The following AXIN2 variants were observed in gnomAD, a reference collection of about 807,000 sequenced individuals.
The protein encoded by AXIN2 is axin-2.
In AXIN2, 21 loss-of-function variants were observed where a neutral mutation model predicts 74.7. That is an observed-to-expected ratio of 0.28 (90% CI 0.20 to 0.40). The LOEUF is 0.40. Ranked by LOEUF, AXIN2 falls within the 10% of genes least tolerant of loss-of-function variation. The pLI, the probability that AXIN2 is intolerant of heterozygous loss-of-function variation, is 1.00. For missense variants in AXIN2, 1,144 were observed against 1,111.1 expected (o/e 1.03, Z -0.42); for synonymous variants, 532 against 454.9 (o/e 1.17, Z -2.16).
intron 10 of AXIN2, among the ~76,000 whole-genome samples, chr17:65,532,523 C>T (rs66537263): frequency 0.095 from 14,433 of 152,268 alleles, 790 homozygotes; most frequent in East Asian, 0.25. Flanking sequence ...CCCAGCAACA[C>T]GCCCTGCTGG....
chr17:65,542,411 A>C (rs1188305495), intron 3 of AXIN2, among the ~76,000 whole-genome samples: 2 of 152,246 alleles, frequency 1.3e-5, no homozygotes, highest in Non-Finnish European at 2.9e-5. Flanking sequence ...GAACAAAATA[A>C]AAAATAGTAT....
rs1376819064 is a variant in AXIN2, at chr17:65,537,439, C to T, written c.1597G>A (p.Ala533Thr). The change falls in exon 6 of 11, where the codon GCG (alanine) becomes ACG (threonine). Residue 533 changes from alanine (A) to threonine (T), a missense_variant. Physicochemically the swap from Ala to Thr is moderately conservative, Grantham distance 58 (BLOSUM62 0). Coordinates refer to ENST00000307078, the MANE Select transcript of AXIN2 (RefSeq NM_004655.4). Reference sequence around the variant, plus strand: ...CAGTGCACCCGCTGCGTGGCCTCCGCCTCGATCTCCTCCTTGGTCTTGGGG... The same window carrying T: ...CAGTGCACCCGCTGCGTGGCCTCCGTCTCGATCTCCTCCTTGGTCTTGGGG... ...AVPKTKEEIE[A>T]EATQRVHCFC... The T allele has an allele frequency of 3.1e-6, 5 of 1,613,880 alleles. No homozygotes were observed. The highest frequency in any genetic ancestry group is 4.2e-6 in the Non-Finnish European group (5 of 1,180,032).
chr17:65,552,262 AG>A (rs1306090880), intron 2 of AXIN2, among the ~76,000 whole-genome samples: 1 of 152,226 alleles, frequency 6.6e-6, no homozygotes, highest in Non-Finnish European at 1.5e-5. Flanking sequence ...AGGAAGAACA[AG>A]GGGAAATAGA....
Position 65,536,415 on chromosome 17 carries a change from G to A in AXIN2, c.2046C>T (p.Asp682=), listed in dbSNP as rs1180854491. ...TTPRAHLFTQ[D]PAMPPLTPPN... ...GTGGGGTCAGGGGAGGCATCGCAGG[G>A]TCCTGGGTGAACAGGTGGGCACGGG... The change falls in exon 8 of 11, where the codon GAC becomes GAT. Residue 682 remains aspartate (D), a synonymous_variant. Coordinates refer to ENST00000307078, the MANE Select transcript of AXIN2 (RefSeq NM_004655.4). 42 of 1,613,706 alleles carry A rather than the reference G, an allele frequency of 2.6e-5. No individual in the cohort carries two copies. Among genetic ancestry groups the A allele is most frequent in the Non-Finnish European group, 3.3e-5 (39 of 1,180,012 alleles).
chr17:65,549,213 A>C (rs140859660), intron 3 of AXIN2, among the ~76,000 whole-genome samples: 2 of 152,332 alleles, frequency 1.3e-5, no homozygotes, highest in South Asian at 4.1e-4. Flanking sequence ...AACCAGAAGA[A>C]GGTTTTTTAA....
chr17:65,545,212 T>C (rs553915803), intron 3 of AXIN2, among the ~76,000 whole-genome samples: 2 of 152,200 alleles, frequency 1.3e-5, no homozygotes, highest in Admixed American at 6.5e-5. Flanking sequence ...ACCACTGACT[T>C]AGCTTTCATG....
chr17:65,552,018 G>A (rs150837285), intron 2 of AXIN2, among the ~76,000 whole-genome samples: 29 of 138,054 alleles, frequency 2.1e-4, no homozygotes, highest in African/African-American at 8.0e-4. Context: ...TAGAGGGCAA[G>A]AAGTCTCACG....
intron 10 of AXIN2, among the ~76,000 whole-genome samples, chr17:65,532,170 G>A (rs11658947): frequency 4.3e-4 from 66 of 152,124 alleles, no homozygotes; most frequent in Non-Finnish European, 8.2e-4. Flanking sequence ...GCATTAAAGG[G>A]GAGGCCAGGG....
rs781384784 is a variant in AXIN2 at position 65,557,805 on chromosome 17, C to T, written c.815+1G>A. On this transcript the variant is annotated splice_donor_variant, in intron 2 of 10. Transcript: ENST00000307078. LOFTEE classifies it high-confidence loss of function. Reference sequence around the variant, plus strand: ...CCCACCCGCCCCCGTCAAAGTCTTACCTGTATCCACTGTCAACAGTTTCCG... The same window carrying T: ...CCCACCCGCCCCCGTCAAAGTCTTATCTGTATCCACTGTCAACAGTTTCCG... 2.5e-6 allele frequency: 4 copies of T among 1,614,086 alleles called. No individual in the cohort carries two copies. Among genetic ancestry groups the T allele is most frequent in the Non-Finnish European group, 3.4e-6 (4 of 1,180,030 alleles).
At position 65,537,784 on chromosome 17, in the gene AXIN2, G is replaced by T; in HGVS notation, c.1252C>A (p.Pro418Thr). Residue 418 changes from proline (P) to threonine (T), a missense_variant, in exon 6 of 11, where the codon CCC (proline) becomes ACC (threonine). Pro to Thr is a conservative substitution (Grantham distance 38). Transcript: ENST00000307078. ...ELTLNSREGA[P>T]TQHPLSLLPS... ...AGTAGGGAGAGGGGGTGCTGCGTGG[G>T]CGCCCCCTCCCGCGAATTGAGTGTG... 1 of 1,588,492 alleles carries T rather than the reference G, an allele frequency of 6.3e-7. No homozygotes were observed. Among genetic ancestry groups the T allele is most frequent in the Non-Finnish European group, 8.6e-7 (1 of 1,167,390 alleles).
rs756352400 is a variant in AXIN2 at position 65,538,187 on chromosome 17, G to A, written c.1200+16C>T. 6 of 1,613,992 alleles carry A rather than the reference G, an allele frequency of 3.7e-6. No homozygotes were observed. The highest frequency in any genetic ancestry group is 2.2e-5 in the South Asian group (2 of 91,090). ...CGCCGTGGACGGAAGCAGGAAGAAG[G>A]CCTAGGCCGCATTACCTCTCGGATC... On this transcript the variant is annotated intron_variant, in intron 5 of 10. Coordinates refer to ENST00000307078, the MANE Select transcript of AXIN2 (RefSeq NM_004655.4).
At position 65,558,120 on chromosome 17, in the gene AXIN2, A is replaced by C. The variant is rs375603095; in HGVS notation, c.501T>G (p.Asp167Glu). ...IRDGIKKQQI[D>E]SIMFDQAQTE... The stretch of plus-strand genomic sequence containing the variant: ...TCTGCGCCTGGTCAAACATGATGGA[A>C]TCAATCTGCTGCTTCTTGATGCCAT... The change falls in exon 2 of 11, where the codon GAT becomes GAG. Residue 167 changes from aspartate to glutamate, a missense_variant. This residue lies in a region of AXIN2 where 1,053 missense variants were observed against 973.5 expected (regional missense o/e 1.08). Coordinates refer to ENST00000307078, the MANE Select transcript of AXIN2 (RefSeq NM_004655.4). 6.2e-7 allele frequency: 1 copy of C among 1,613,838 alleles called. No individual in the cohort carries two copies. The highest frequency in any genetic ancestry group is 1.3e-5 in the African/African-American group (1 of 74,846).
chr17:65,554,324 C>A (rs183549375), intron 2 of AXIN2, among the ~76,000 whole-genome samples: 1 of 152,328 alleles, frequency 6.6e-6, no homozygotes, highest in South Asian at 2.1e-4. Flanking sequence ...TAAGTCTGTG[C>A]GTTCAGGGCT....
intron 3 of AXIN2, among the ~76,000 whole-genome samples, chr17:65,548,900 G>C (rs992561474): frequency 5.3e-5 from 8 of 152,228 alleles, no homozygotes; most frequent in African/African-American, 1.9e-4. Flanking sequence ...CTACTTTGGA[G>C]AGAGCCCCTA....
chr17:65,553,957 C>A (rs1261924984), intron 2 of AXIN2, among the ~76,000 whole-genome samples: 1 of 151,894 alleles, frequency 6.6e-6, no homozygotes, highest in Non-Finnish European at 1.5e-5. Flanking sequence ...AATTCCTACA[C>A]AGAGTAGAGG....
rs192709037 is a variant in AXIN2 at position 65,559,802 on chromosome 17, C to A, written c.-116-1066G>T. Among the ~76,000 whole-genome samples, 82 of 152,334 alleles carry A rather than the reference C, an allele frequency of 5.4e-4. 1 individual carries two copies. The highest frequency in any genetic ancestry group is 5.1e-4 in the Non-Finnish European group (35 of 68,020). On this transcript the variant is annotated intron_variant, in intron 1 of 10. Coordinates refer to ENST00000307078, the MANE Select transcript of AXIN2 (RefSeq NM_004655.4). ...GGGCTGAACGGGGTGCAACCCCGGGCGAGAAGCCAGGGACCCCGGATCTGG... is the reference window on the plus strand; with the variant it reads ...GGGCTGAACGGGGTGCAACCCCGGGAGAGAAGCCAGGGACCCCGGATCTGG...
intron 1 of AXIN2, among the ~76,000 whole-genome samples, chr17:65,558,937 C>A (rs2044319761): frequency 6.6e-6 from 1 of 151,974 alleles, no homozygotes; most frequent in South Asian, 2.1e-4. Flanking sequence ...GAGCTCCCTG[C>A]ACACTTTTCG....
In AXIN2 at chr17:65,537,636, G is replaced by A. The variant is rs908388069; in HGVS notation, c.1400C>T (p.Pro467Leu). The change falls in exon 6 of 11, where the codon CCG becomes CTG. Residue 467 changes from proline (P) to leucine (L), a missense_variant. Coordinates refer to ENST00000307078, the MANE Select transcript of AXIN2 (RefSeq NM_004655.4). ...CGAATGGTGGTGGTGGTGGTGGTCC[G>A]GGGAGCGGGAGCGGGGGCTATAGCG... Reference protein sequence around the residue: ...VGRYSPRSRSPDHHHHHHSQY... With the variant: ...VGRYSPRSRSLDHHHHHHSQY... The A allele has an allele frequency of 2.1e-5, 34 of 1,585,236 alleles. No homozygotes were observed. The highest frequency in any genetic ancestry group is 2.7e-5 in the Non-Finnish European group (31 of 1,168,122).
chr17:65,536,592 A>C, intron 7 of AXIN2, 39 bp from the exon 8 acceptor site: 1 of 1,606,124 alleles, frequency 6.2e-7, no homozygotes, highest in Non-Finnish European at 8.5e-7. Flanking sequence ...AGAAGGAAAG[A>C]AACTGGGTTA....
Sources: gnomAD v4.1 joint callset for allele counts (sites outside exome capture counted in the v4.1 genomes callset) on GRCh38, gnomAD v4.1.1 for gene constraint, gnomAD v4.1.1 regional missense constraint, MANE v1.5 for transcripts, NCBI Gene and HGNC (gene_info 2026-07-23, HGNC 2026-07-21) for gene names.